ATP8B4: variants seen among roughly 807,000 people sequenced by gnomAD.
ATP8B4 encodes the protein ATPase phospholipid transporting 8B4 (putative).
In ATP8B4, 133 loss-of-function variants were observed where a neutral mutation model predicts 145.6. The ratio of observed to expected loss-of-function variants is 0.91; its 90% CI spans 0.79 to 1.05. ATP8B4 has a LOEUF of 1.05. Ranked by LOEUF, ATP8B4 falls within the 50% of genes least tolerant of loss-of-function variation. The pLI is 0.00. For missense variants in ATP8B4, 1,458 were observed against 1,425.2 expected (o/e 1.02, Z -0.37); for synonymous variants, 507 against 492.9 (o/e 1.03, Z -0.38).
intron 2 of ATP8B4, among the ~76,000 whole-genome samples, chr15:50,085,885 TTATATATG>T (rs2054897787): frequency 1.4e-5 from 1 of 69,390 alleles, no homozygotes; most frequent in Non-Finnish European, 2.9e-5. Flanking sequence ...ATTTATATAT[TTATATATG>T]ATATATATCA....
At chr15:50,091,840 C>T (rs187685413) in intron 2 of ATP8B4, among the ~76,000 whole-genome samples, 233 of 152,172 alleles carry the variant, frequency 1.5e-3, no homozygotes, top group Non-Finnish European at 2.8e-3. Flanking sequence ...GTGACTTCAG[C>T]TTCCTATATA....
intron 3 of ATP8B4, among the ~76,000 whole-genome samples, chr15:50,068,827 CCAT>C (rs1367223324): frequency 6.6e-6 from 1 of 151,886 alleles, no homozygotes. Context: ...CCAGTGCTTT[CCAT>C]CATCATCTTT....
At chr15:49,881,322 G>A (rs1043544631) in intron 23 of ATP8B4, among the ~76,000 whole-genome samples, 11 of 152,116 alleles carry the variant, frequency 7.2e-5, no homozygotes, top group African/African-American at 2.7e-4. Flanking sequence ...TAATTAGCAA[G>A]GGATTCATTT....
intron 20 of ATP8B4, among the ~76,000 whole-genome samples, chr15:49,905,659 C>T (rs2038531563): frequency 1.3e-5 from 2 of 152,106 alleles, no homozygotes; most frequent in South Asian, 4.1e-4. Flanking sequence ...AGCAAGGTGG[C>T]CCCAAGGCTC....
In ATP8B4 at chr15:50,018,154, ATTT is replaced by A. The variant is rs960520494; in HGVS notation, c.363-7240_363-7238del. Among the ~76,000 whole-genome samples, 9 of 152,054 alleles carry A rather than the reference ATTT, an allele frequency of 5.9e-5. No individual in the cohort carries two copies. The East Asian group carries it at 1.7e-3, about 29-fold the overall frequency. On this transcript the variant is annotated intron_variant, in intron 6 of 27. Coordinates refer to ENST00000284509, the MANE Select transcript of ATP8B4 (RefSeq NM_024837.4). ...AGACATGCATCACCACACCTGGCTAATTTTTGTATTTTTAGTAGAGACAGCGTT... is the reference window on the plus strand; with the variant it reads ...AGACATGCATCACCACACCTGGCTAATTGTATTTTTAGTAGAGACAGCGTT...
chr15:50,003,245 T>G (rs1037591533), intron 7 of ATP8B4, among the ~76,000 whole-genome samples: 1 of 151,726 alleles, frequency 6.6e-6, no homozygotes, highest in Non-Finnish European at 1.5e-5. Flanking sequence ...CTCAAGCTTT[T>G]AAATTTGCAA....
chr15:50,151,479 T>C (rs2044346458), intron 1 of ATP8B4, among the ~76,000 whole-genome samples: 1 of 152,194 alleles, frequency 6.6e-6, no homozygotes, highest in South Asian at 2.1e-4. Flanking sequence ...CTGTCAAATA[T>C]GATATTTTGG....
chr15:50,072,133 AACAAC>A (rs2053783443), intron 3 of ATP8B4, among the ~76,000 whole-genome samples: 1 of 152,086 alleles, frequency 6.6e-6, no homozygotes, highest in East Asian at 1.9e-4. Flanking sequence ...TGCCAATAGG[AACAAC>A]ACACAAAAAA....
At chr15:50,058,236 G>A (rs542026588) in intron 3 of ATP8B4, among the ~76,000 whole-genome samples, 58 of 152,202 alleles carry the variant, frequency 3.8e-4, no homozygotes, top group African/African-American at 9.4e-4. Context: ...CCACGAATTC[G>A]TCTTATCCTG....
intron 27 of ATP8B4, 40 bp downstream of exon 27, chr15:49,862,205 A>G (rs1239844449): frequency 1.9e-6 from 3 of 1,584,232 alleles, no homozygotes; most frequent in Non-Finnish European, 2.6e-6. Flanking sequence ...TTCAAGAGCC[A>G]AAAACCAGCC....
At chr15:49,942,203 T>G (rs1015868533) in intron 14 of ATP8B4, among the ~76,000 whole-genome samples, 4 of 151,566 alleles carry the variant, frequency 2.6e-5, no homozygotes, top group African/African-American at 9.7e-5. Flanking sequence ...AAAACTATAT[T>G]AAAAATAAAA....
chr15:49,983,735 C>T (rs1244365718), intron 10 of ATP8B4, among the ~76,000 whole-genome samples: 1 of 152,204 alleles, frequency 6.6e-6, no homozygotes, highest in African/African-American at 2.4e-5. Context: ...AAAGACCAAA[C>T]TTCTGGATAC....
In ATP8B4 at chr15:50,095,587, T is replaced by A. The variant is rs1428581634; in HGVS notation, c.28+11352A>T. ...ACCTGAACAGTATAGTGAGACCCTA[T>A]CTTTACAAAAAATTAAAAAACTAGC... On this transcript the variant is annotated intron_variant, in intron 2 of 27. Coordinates refer to ENST00000284509, the MANE Select transcript of ATP8B4 (RefSeq NM_024837.4). Among the ~76,000 whole-genome samples, 3 of 152,150 alleles carry A rather than the reference T, an allele frequency of 2.0e-5. No homozygotes were observed. In the East Asian group the frequency reaches 5.8e-4, roughly 29 times the overall value.
At chr15:50,001,884 C>CT (rs1456026094) in intron 8 of ATP8B4, among the ~76,000 whole-genome samples, 1 of 152,060 alleles carries the variant, frequency 6.6e-6, no homozygotes, top group African/African-American at 2.4e-5. Flanking sequence ...CAAGCAAAAA[C>CT]TTTTTTTAAA....
chr15:50,079,227 T>A (rs1441507297), intron 2 of ATP8B4, among the ~76,000 whole-genome samples: 1 of 151,840 alleles, frequency 6.6e-6, no homozygotes, highest in African/African-American at 2.4e-5. Flanking sequence ...CTCACAAAAA[T>A]TAAAATAAAA....
Position 49,860,176 on chromosome 15 carries a change from G to A in ATP8B4, c.*18C>T, listed in dbSNP as rs763307526. 1.9e-6 allele frequency: 3 copies of A among 1,594,856 alleles called. No individual in the cohort carries two copies. Among genetic ancestry groups the A allele is most frequent in the Admixed American group, 3.5e-5 (2 of 57,744 alleles). ...CCTGAAGTGAAAAGATAACTACGTG[G>A]TTTAAATTCATATTGACTCACAGTT... On this transcript the variant is annotated 3_prime_UTR_variant, in exon 28 of 28. Transcript: ENST00000284509.
chr15:50,055,190 T>C (rs907691724), intron 3 of ATP8B4, among the ~76,000 whole-genome samples: 3 of 152,136 alleles, frequency 2.0e-5, no homozygotes, highest in African/African-American at 7.2e-5. Context: ...GCACTAAAAA[T>C]GCAGGGCCAA....
chr15:49,956,698 T>G (rs1407720167), intron 14 of ATP8B4, among the ~76,000 whole-genome samples: 1 of 152,098 alleles, frequency 6.6e-6, no homozygotes, highest in African/African-American at 2.4e-5. Flanking sequence ...TGCCCCAGCA[T>G]GCCTAGCTAA....
At chr15:49,861,452 G>GTCTGTCTA (rs1555390989) in intron 27 of ATP8B4, among the ~76,000 whole-genome samples, 1 of 143,442 alleles carries the variant, frequency 7.0e-6, no homozygotes, top group African/African-American at 2.7e-5. Context: ...CTGTCTGTCT[G>GTCTGTCTA]TCTATCTATC....
Sources: allele counts gnomAD v4.1 joint callset (sites outside exome capture counted in the v4.1 genomes callset), GRCh38; gene constraint gnomAD v4.1.1; transcripts MANE v1.5; gene names NCBI Gene and HGNC (gene_info 2026-07-23, HGNC 2026-07-21).